ATRNL1: variants seen among roughly 807,000 people sequenced by gnomAD.
ATRNL1 encodes attractin-like protein 1.
A neutral mutation model predicts 182.7 loss-of-function variants in ATRNL1; 95 were observed. The ratio of observed to expected loss-of-function variants is 0.52; its 90% CI spans 0.44 to 0.62. The LOEUF is 0.62. Ranked by LOEUF, ATRNL1 falls within the 20% of genes least tolerant of loss-of-function variation. The probability of loss-of-function intolerance (pLI) is 0.00; values close to 1 mark genes in which losing one functional copy is unlikely to be tolerated. For synonymous variants in ATRNL1, 576 were observed against 568.3 expected, an observed-to-expected ratio of 1.01 and a Z score of -0.19; for missense variants, 1,471 against 1,679.5, an observed-to-expected ratio of 0.88 and a Z score of 2.17.
intron 18 of ATRNL1, among the ~76,000 whole-genome samples, chr10:115,323,346 T>C (rs2134037499): frequency 6.6e-6 from 1 of 152,172 alleles, no homozygotes; most frequent in African/African-American, 2.4e-5. Context: ...TCTTTGTTGA[T>C]ATTCTCTATT....
chr10:115,408,991 G>A (rs1287645885), intron 20 of ATRNL1, among the ~76,000 whole-genome samples: 1 of 152,124 alleles, frequency 6.6e-6, no homozygotes, highest in African/African-American at 2.4e-5. Flanking sequence ...ATATTTTGAA[G>A]TCTGGTAGTG....
chr10:115,563,911 T>G (rs973117139), intron 26 of ATRNL1, among the ~76,000 whole-genome samples: 43 of 151,996 alleles, frequency 2.8e-4, no homozygotes, highest in Admixed American at 9.2e-4. Flanking sequence ...ATAATATAAT[T>G]AGAAAAAAAG....
At chr10:115,751,205 T>C (rs1300577133) in intron 27 of ATRNL1, among the ~76,000 whole-genome samples, 1 of 151,968 alleles carries the variant, frequency 6.6e-6, no homozygotes, top group African/African-American at 2.4e-5. Context: ...GGAAGGGGAC[T>C]GCAAGCCAAG....
chr10:115,165,435 ATTAG>A lies in ATRNL1; in HGVS notation c.1005-120_1005-117del, dbSNP rs1458604485. 15 of 452,892 alleles carry A rather than the reference ATTAG, an allele frequency of 3.3e-5. No individual in the cohort carries two copies. The Admixed American group carries it at 3.4e-4, about 10-fold the overall frequency. The allele number at this position is 452,892 out of a possible 1,614,324, so 28.1% of individuals were successfully genotyped here. ...ATATGGCACATGAAATTATGAGTTT[ATTAG>A]TTGTAACTCTTTTTGAATTTAATGA... On this transcript the variant is annotated intron_variant, in intron 6 of 28. Transcript: ENST00000355044.
intron 19 of ATRNL1, among the ~76,000 whole-genome samples, chr10:115,355,497 G>A: frequency 1.3e-5 from 2 of 152,180 alleles, no homozygotes; most frequent in East Asian, 1.9e-4. Flanking sequence ...AGCATAAGGA[G>A]CCCTTCTCTA....
rs141570156 is a variant in ATRNL1, at chr10:115,216,477, G to A, written c.1532+597G>A. ...ATGGGTGTGAATAGTATTTTAATGT[G>A]CATTTTCCTGATTAGTATTGTAAAC... On this transcript the variant is annotated intron_variant, in intron 9 of 28. Transcript: ENST00000355044. 1.2e-4 allele frequency among the ~76,000 whole-genome samples: 18 copies of A among 152,170 alleles called. No homozygotes were observed. In the East Asian group the frequency reaches 2.5e-3, roughly 21 times the overall value.
intron 28 of ATRNL1, among the ~76,000 whole-genome samples, chr10:115,927,495 G>T (rs1400476762): frequency 6.6e-6 from 1 of 152,058 alleles, no homozygotes; most frequent in African/African-American, 2.4e-5. Flanking sequence ...GAACATGGGA[G>T]AATCTTGCTA....
chr10:115,129,951 T>C (rs190619886), intron 5 of ATRNL1, among the ~76,000 whole-genome samples: 9 of 152,310 alleles, frequency 5.9e-5, no homozygotes, highest in Admixed American at 2.6e-4. Flanking sequence ...ATGAAACTTA[T>C]TTCTTAGGAA....
intron 26 of ATRNL1, among the ~76,000 whole-genome samples, chr10:115,673,224 G>C (rs1945754612): frequency 6.6e-6 from 1 of 152,096 alleles, no homozygotes. Context: ...AAATCTGAGT[G>C]ATATAATGGC....
intron 8 of ATRNL1, among the ~76,000 whole-genome samples, chr10:115,180,581 T>A (rs1847711755): frequency 6.6e-6 from 1 of 151,814 alleles, no homozygotes; most frequent in African/African-American, 2.4e-5. Flanking sequence ...AAGAAAAAAA[T>A]CCTTAGGATT....
At position 115,768,968 on chromosome 10, in the gene ATRNL1, AT is replaced by A. The variant is rs561832732; in HGVS notation, c.3903+41615del. Among the ~76,000 whole-genome samples, 684 of 152,224 alleles carry A rather than the reference AT, an allele frequency of 4.5e-3. 2 individuals are homozygous for A. The highest frequency in any genetic ancestry group is 0.014 in the South Asian group (70 of 4,832). ...TTGTCTTACTAGTGAAAAAATTTAA[AT>A]TGTATTATTAAAGGAAAACATATAG... On this transcript the variant is annotated intron_variant, in intron 27 of 28. Coordinates refer to ENST00000355044, the MANE Select transcript of ATRNL1 (RefSeq NM_207303.4).
chr10:115,656,501 T>C (rs1860341063), intron 26 of ATRNL1, among the ~76,000 whole-genome samples: 1 of 152,098 alleles, frequency 6.6e-6, no homozygotes, highest in South Asian at 2.1e-4. Flanking sequence ...TATGGGTGTG[T>C]GTGTGAGTGC....
At chr10:115,667,460 C>A (rs1252860533) in intron 26 of ATRNL1, among the ~76,000 whole-genome samples, 1 of 152,034 alleles carries the variant, frequency 6.6e-6, no homozygotes, top group Admixed American at 6.6e-5. Flanking sequence ...TAAGTCAGAA[C>A]CTGTCTGGCA....
intron 27 of ATRNL1, among the ~76,000 whole-genome samples, chr10:115,757,564 C>CA (rs1213835208): frequency 2.6e-5 from 4 of 152,092 alleles, no homozygotes; most frequent in Non-Finnish European, 5.9e-5. Context: ...GTGGGTAACC[C>CA]AACCTTTCTC....
intron 5 of ATRNL1, among the ~76,000 whole-genome samples, chr10:115,148,634 T>A (rs536408312): frequency 1.3e-5 from 2 of 151,944 alleles, no homozygotes; most frequent in South Asian, 4.2e-4. Context: ...GGACACACAA[T>A]GAGTGGGTTT....
chr10:115,624,405 A>G (rs1420978371), intron 26 of ATRNL1, among the ~76,000 whole-genome samples: 1 of 151,666 alleles, frequency 6.6e-6, no homozygotes, highest in Non-Finnish European at 1.5e-5. Flanking sequence ...CAATAAACAT[A>G]TATGTTATAT....
intron 19 of ATRNL1, among the ~76,000 whole-genome samples, chr10:115,372,400 C>G (rs1554948356): frequency 6.6e-6 from 1 of 151,960 alleles, no homozygotes; most frequent in Non-Finnish European, 1.5e-5. Flanking sequence ...TTTTTTTTGT[C>G]TATTTTTAAG....
intron 26 of ATRNL1, among the ~76,000 whole-genome samples, chr10:115,677,334 A>G (rs1368107128): frequency 2.0e-5 from 3 of 152,074 alleles, no homozygotes; most frequent in African/African-American, 7.2e-5. Context: ...CCCTCACAGC[A>G]TGGAACTGTC....
chr10:115,102,387 C>G (rs1395375177), intron 1 of ATRNL1, among the ~76,000 whole-genome samples: 2 of 151,746 alleles, frequency 1.3e-5, no homozygotes, highest in East Asian at 3.9e-4. Context: ...TTGCAAATTC[C>G]TCACTTTATT....
Sources: allele counts gnomAD v4.1 joint callset (sites outside exome capture counted in the v4.1 genomes callset), GRCh38; gene constraint gnomAD v4.1.1; transcripts MANE v1.5; gene names NCBI Gene and HGNC (gene_info 2026-07-23, HGNC 2026-07-21).